PCCB: variants seen among roughly 807,000 people sequenced by gnomAD.
PCCB encodes propionyl-CoA carboxylase beta chain, mitochondrial.
Under a neutral mutation model 60.7 loss-of-function variants are expected in PCCB, and 43 were observed. That is an observed-to-expected ratio of 0.71 (90% CI 0.55 to 0.91). The LOEUF (loss-of-function observed/expected upper bound fraction) is 0.91, where lower values mean the gene tolerates loss of function less well. Ranked by LOEUF, PCCB falls within the 40% of genes least tolerant of loss-of-function variation. The probability of loss-of-function intolerance (pLI) is 0.00; values close to 1 mark genes in which losing one functional copy is unlikely to be tolerated. For synonymous variants in PCCB, 276 were observed against 255.9 expected, an observed-to-expected ratio of 1.08 and a Z score of -0.75; for missense variants, 766 against 702.8, an observed-to-expected ratio of 1.09 and a Z score of -1.02.
At chr3:136,294,506 T>A (rs1933847787) in intron 7 of PCCB, among the ~76,000 whole-genome samples, 1 of 152,002 alleles carries the variant, frequency 6.6e-6, no homozygotes, top group African/African-American at 2.4e-5. Flanking sequence ...AGATGGGGTT[T>A]TACCATGTTG....
At chr3:136,259,235 G>C (rs1294987509) in intron 3 of PCCB, 4 of 1,084,420 alleles carry the variant, frequency 3.7e-6, no homozygotes, top group Non-Finnish European at 5.0e-6. Flanking sequence ...GGGAGGCCGA[G>C]GTGGGTAGAT....
At chr3:136,259,548 G>T (rs916691390) in intron 3 of PCCB, among the ~76,000 whole-genome samples, 1 of 152,156 alleles carries the variant, frequency 6.6e-6, no homozygotes, top group Non-Finnish European at 1.5e-5. Flanking sequence ...TCTGATATTA[G>T]AGTTAATTCT....
At chr3:136,285,710 A>G (rs1933370813) in intron 6 of PCCB, among the ~76,000 whole-genome samples, 1 of 152,062 alleles carries the variant, frequency 6.6e-6, no homozygotes, top group South Asian at 2.1e-4. Context: ...TCCATTGGCA[A>G]TTTACATGAT....
At chr3:136,266,734 G>T (rs1941993322) in intron 5 of PCCB, among the ~76,000 whole-genome samples, 1 of 152,106 alleles carries the variant, frequency 6.6e-6, no homozygotes, top group African/African-American at 2.4e-5. Context: ...TGTCTATTCA[G>T]ATCTTTTGTC....
chr3:136,300,112 A>G (rs1480469350), intron 8 of PCCB, among the ~76,000 whole-genome samples: 2 of 151,848 alleles, frequency 1.3e-5, no homozygotes, highest in African/African-American at 4.8e-5. Flanking sequence ...ATACATGCAT[A>G]TCTACACGTG....
chr3:136,286,795 C>T (rs902810605), intron 6 of PCCB, among the ~76,000 whole-genome samples: 1 of 152,136 alleles, frequency 6.6e-6, no homozygotes, highest in Non-Finnish European at 1.5e-5. Context: ...CTTTGGGAGG[C>T]TGAGGCGGGT....
rs749071200 is a variant in PCCB at position 136,297,976 on chromosome 3, A to G, written c.788A>G (p.Asn263Ser). Residue 263 changes from asparagine (N) to serine (S), a missense_variant, in exon 8 of 15, where the codon AAT (asparagine) becomes AGT (serine). By Grantham distance (46) the Asn-to-Ser change is conservative. Transcript: ENST00000251654. ...GGTGTGGCCCACAGAGCTTTTGAAA[A>G]TGATGTTGATGCCTTGTGTAATCTC... is the stretch of plus-strand genomic sequence containing the variant. ...MSGVAHRAFE[N>S]DVDALCNLRD... 60 of 1,614,018 alleles carry G rather than the reference A, an allele frequency of 3.7e-5. No homozygotes were observed. The highest frequency in any genetic ancestry group is 5.0e-5 in the Non-Finnish European group (59 of 1,179,994).
intron 5 of PCCB, among the ~76,000 whole-genome samples, chr3:136,267,443 G>A (rs1269164163): frequency 6.6e-6 from 1 of 151,972 alleles, no homozygotes; most frequent in Non-Finnish European, 1.5e-5. Context: ...GATCTGCCTC[G>A]GCATCCCGAA....
chr3:136,315,792 C>T (rs1934866636), intron 9 of PCCB, among the ~76,000 whole-genome samples: 1 of 151,610 alleles, frequency 6.6e-6, no homozygotes, highest in Non-Finnish European at 1.5e-5. Flanking sequence ...CATGCTTCTG[C>T]ACTCCAGCCT....
intron 6 of PCCB, 76 bp downstream of exon 6, chr3:136,284,023 A>T (rs1456394932): frequency 7.6e-6 from 7 of 918,896 alleles, no homozygotes; most frequent in African/African-American, 1.6e-5. Flanking sequence ...ATAATTCCTG[A>T]CCCAGATCTA....
At chr3:136,299,923 C>CATATGT (rs772314606) in intron 8 of PCCB, among the ~76,000 whole-genome samples, 1 of 151,362 alleles carries the variant, frequency 6.6e-6, no homozygotes, top group Non-Finnish European at 1.5e-5. Flanking sequence ...TATATGTATG[C>CATATGT]ATATGTATAT....
At chr3:136,286,695 C>G (rs1034149994) in intron 6 of PCCB, among the ~76,000 whole-genome samples, 1 of 152,158 alleles carries the variant, frequency 6.6e-6, no homozygotes, top group Non-Finnish European at 1.5e-5. Flanking sequence ...CACTTTGATT[C>G]AAGCACATCA....
intron 12 of PCCB, 145 bp from the exon 13 acceptor site, chr3:136,327,489 A>G: frequency 1.3e-6 from 1 of 746,662 alleles, no homozygotes; most frequent in East Asian, 2.6e-5. Flanking sequence ...ATTAACTTTG[A>G]AAGGTCTTAC....
intron 5 of PCCB, among the ~76,000 whole-genome samples, chr3:136,268,122 GTATATATATATATATA>G (rs1410337209): frequency 2.7e-5 from 2 of 74,862 alleles, no homozygotes; most frequent in African/African-American, 1.3e-4. Flanking sequence ...ATATATATAT[GTATATATATATATATA>G]TATCTACATA....
intron 10 of PCCB, 148 bp downstream of exon 10, chr3:136,317,212 ATT>A (rs397694948): frequency 0.011 from 2,911 of 257,054 alleles, no homozygotes; most frequent in African/African-American, 0.013. Flanking sequence ...ATAAAAGCTA[ATT>A]TTTTTTTTTT....
At chr3:136,290,692 A>G (rs1290891868) in intron 6 of PCCB, among the ~76,000 whole-genome samples, 2 of 18,270 alleles carry the variant, frequency 1.1e-4, no homozygotes, top group Non-Finnish European at 2.1e-4. Context: ...TTTTTTTGTC[A>G]TTCATCTTGC....
At chr3:136,250,714 C>G (rs190302995) in intron 1 of PCCB, among the ~76,000 whole-genome samples, 156 bp downstream of exon 1, 12 of 152,358 alleles carry the variant, frequency 7.9e-5, no homozygotes, top group Admixed American at 3.9e-4. Flanking sequence ...TAGCGTTTCT[C>G]GTGGAGGCGG....
In PCCB at chr3:136,250,517, C is replaced by T. The variant is rs376983709; in HGVS notation, c.142C>T (p.Leu48=). 8.1e-6 allele frequency: 13 copies of T among 1,612,884 alleles called. No individual in the cohort carries two copies. Among genetic ancestry groups the T allele is most frequent in the African/African-American group, 1.3e-5 (1 of 74,926 alleles). ...CGAAAACAAGCGCCGGACCGCGCTG[C>T]TGGGAGGGGGCCAACGCCGTATTGA... The part of the protein sequence containing the change: ...RIENKRRTAL[L]GGGQRRIDAQ... Residue 48 remains leucine (L), a synonymous_variant, in exon 1 of 15, where the codon CTG becomes TTG. Transcript: ENST00000251654.
At chr3:136,323,289 T>A (rs1047426255) in intron 10 of PCCB, among the ~76,000 whole-genome samples, 7 of 152,232 alleles carry the variant, frequency 4.6e-5, no homozygotes, top group Non-Finnish European at 8.8e-5. Flanking sequence ...TTAATTTTTT[T>A]ATTTTCTCCT....
Sources: gnomAD v4.1 joint callset for allele counts (sites outside exome capture counted in the v4.1 genomes callset) on GRCh38, gnomAD v4.1.1 for gene constraint, MANE v1.5 for transcripts, NCBI Gene and HGNC (gene_info 2026-07-23, HGNC 2026-07-21) for gene names.